The following TAOK3 variants were observed in gnomAD, a reference collection of about 807,000 sequenced individuals.
TAOK3 encodes serine/threonine-protein kinase TAO3.
In TAOK3, 40 loss-of-function variants were observed where a neutral mutation model predicts 120.4. The observed-to-expected ratio is 0.33, with a 90% CI of 0.26 to 0.43. The LOEUF is 0.43. Ranked by LOEUF, TAOK3 falls within the 20% of genes least tolerant of loss-of-function variation. The pLI is 1.00. For synonymous variants in TAOK3, 355 were observed against 387.5 expected, an observed-to-expected ratio of 0.92 and a Z score of 0.99; for missense variants, 821 against 1,112.1, an observed-to-expected ratio of 0.74 and a Z score of 3.72.
intron 1 of TAOK3, among the ~76,000 whole-genome samples, chr12:118,370,592 A>ATAC (rs1593729079): frequency 6.6e-6 from 1 of 152,232 alleles, no homozygotes; most frequent in African/African-American, 2.4e-5. Flanking sequence ...AGGTGAGGAG[A>ATAC]TACAACCTAT....
chr12:118,255,047 C>G (rs766632085), intron 3 of TAOK3, among the ~76,000 whole-genome samples: 46 of 152,016 alleles, frequency 3.0e-4, no homozygotes, highest in Admixed American at 8.5e-4. Flanking sequence ...CAGGCGTGAG[C>G]CACTGTGCCC....
At chr12:118,348,129 C>T (rs1052955369) in intron 1 of TAOK3, among the ~76,000 whole-genome samples, 17 of 151,918 alleles carry the variant, frequency 1.1e-4, no homozygotes, top group Non-Finnish European at 1.6e-4. Context: ...AAGGTATCCA[C>T]AATTCAAGAC....
At chr12:118,266,217 G>C (rs1388745397) in intron 2 of TAOK3, among the ~76,000 whole-genome samples, 1 of 152,086 alleles carries the variant, frequency 6.6e-6, no homozygotes, top group African/African-American at 2.4e-5. Context: ...TTTTCAGACA[G>C]AGTTTCGCTC....
At chr12:118,215,173 C>T (rs2038828460) in intron 9 of TAOK3, among the ~76,000 whole-genome samples, 1 of 148,752 alleles carries the variant, frequency 6.7e-6, no homozygotes, top group South Asian at 2.1e-4. Context: ...GCCACTGCAC[C>T]CAGTCCCATA....
intron 1 of TAOK3, among the ~76,000 whole-genome samples, chr12:118,283,148 AG>A (rs2042153436): frequency 6.6e-6 from 1 of 152,128 alleles, no homozygotes; most frequent in African/African-American, 2.4e-5. Context: ...GTTTTATAAG[AG>A]GTATAGTAGC....
At chr12:118,198,208 G>A (rs1401970672) in intron 13 of TAOK3, among the ~76,000 whole-genome samples, 2 of 151,846 alleles carry the variant, frequency 1.3e-5, no homozygotes, top group African/African-American at 4.8e-5. Context: ...AGCTCTCTCT[G>A]TCTCAGTGCT....
chr12:118,235,261 G>T (rs1375726584), intron 8 of TAOK3, among the ~76,000 whole-genome samples: 1 of 152,146 alleles, frequency 6.6e-6, no homozygotes, highest in African/African-American at 2.4e-5. Context: ...CAAGAGAAAA[G>T]TTCAAAAGAA....
At chr12:118,164,911 T>C (rs2035484275) in intron 17 of TAOK3, among the ~76,000 whole-genome samples, 1 of 152,208 alleles carries the variant, frequency 6.6e-6, no homozygotes, top group African/African-American at 2.4e-5. Flanking sequence ...CAGCATCTAG[T>C]ACTAGAGTAC....
rs113251441 is a variant in TAOK3, at chr12:118,232,347, C to A, written c.643+1327G>T. ...GAATAACTTAATGGCTGAAGTTTAT[C>A]TTATAACACAAAGTTTTCTTCACAG... On this transcript the variant is annotated intron_variant, in intron 9 of 20. Coordinates refer to ENST00000392533, the MANE Select transcript of TAOK3 (RefSeq NM_016281.4). Among the ~76,000 whole-genome samples the A allele has an allele frequency of 8.8e-3, 1,336 of 152,276 alleles. 19 individuals are homozygous for A. Among genetic ancestry groups the A allele is most frequent in the African/African-American group, 0.031 (1,292 of 41,548 alleles).
intron 13 of TAOK3, among the ~76,000 whole-genome samples, chr12:118,195,665 T>G (rs2037678276): frequency 6.6e-6 from 1 of 152,196 alleles, no homozygotes; most frequent in Non-Finnish European, 1.5e-5. Context: ...AAAAGTAGTG[T>G]GGCAACACTA....
intron 14 of TAOK3, among the ~76,000 whole-genome samples, chr12:118,185,403 A>G (rs928280926): frequency 2.0e-5 from 3 of 152,212 alleles, no homozygotes; most frequent in Non-Finnish European, 4.4e-5. Flanking sequence ...CTTCCTGAAC[A>G]TAAAACAAGA....
At chr12:118,340,276 G>A (rs1043457032) in intron 1 of TAOK3, among the ~76,000 whole-genome samples, 1 of 151,962 alleles carries the variant, frequency 6.6e-6, no homozygotes, top group African/African-American at 2.4e-5. Context: ...TCCCTCCCAA[G>A]AGCAAAAAAA....
At chr12:118,299,653 G>A (rs1057317236) in intron 1 of TAOK3, among the ~76,000 whole-genome samples, 19 of 152,172 alleles carry the variant, frequency 1.2e-4, no homozygotes, top group South Asian at 6.2e-4. Context: ...GGGACTAGAG[G>A]TGCACACCAC....
intron 14 of TAOK3, among the ~76,000 whole-genome samples, chr12:118,182,623 A>ATATATATATATATATATATATATT (rs371125415): frequency 1.1e-5 from 1 of 92,390 alleles, no homozygotes; most frequent in African/African-American, 4.9e-5. Context: ...ATATATATAT[A>ATATATATATATATATATATATATT]TTTTTTTTTT....
intron 1 of TAOK3, among the ~76,000 whole-genome samples, chr12:118,306,033 T>C (rs903211611): frequency 2.0e-5 from 3 of 152,100 alleles, no homozygotes; most frequent in Admixed American, 1.3e-4. Flanking sequence ...GAGGACACCA[T>C]GTTTCATAAA....
intron 10 of TAOK3, 45 bp downstream of exon 10, chr12:118,213,972 A>G (rs2038754746): frequency 6.7e-7 from 1 of 1,488,556 alleles, no homozygotes; most frequent in East Asian, 2.3e-5. Flanking sequence ...TGTCAAATAC[A>G]TACGGTGATT....
At chr12:118,228,608 A>C (rs2039621031) in intron 9 of TAOK3, among the ~76,000 whole-genome samples, 1 of 152,158 alleles carries the variant, frequency 6.6e-6, no homozygotes, top group African/African-American at 2.4e-5. Context: ...GATCCAGTTC[A>C]TTCTTAACTA....
chr12:118,289,296 C>CAAAA (rs59297201), intron 1 of TAOK3, among the ~76,000 whole-genome samples: 80 of 78,528 alleles, frequency 1.0e-3, no homozygotes, highest in East Asian at 2.6e-3. Context: ...AAGACTGTCT[C>CAAAA]AAAAAAAAAA....
chr12:118,172,835 A>C (rs1213330748), intron 16 of TAOK3, among the ~76,000 whole-genome samples, 175 bp from the exon 17 acceptor site: 1 of 152,196 alleles, frequency 6.6e-6, no homozygotes, highest in Non-Finnish European at 1.5e-5. Context: ...TTGAGTATTA[A>C]GTGAGAGGGA....
Sources: gnomAD v4.1 joint callset for allele counts (sites outside exome capture counted in the v4.1 genomes callset) on GRCh38, gnomAD v4.1.1 for gene constraint, MANE v1.5 for transcripts, NCBI Gene and HGNC (gene_info 2026-07-23, HGNC 2026-07-21) for gene names.